FBXW12: variants seen among roughly 807,000 people sequenced by gnomAD.
FBXW12 encodes the protein F-box and WD repeat domain containing 12.
In FBXW12, 43 loss-of-function variants were observed where a neutral mutation model predicts 55.3. The ratio of observed to expected loss-of-function variants is 0.78; its 90% CI spans 0.61 to 1.00. FBXW12 has a LOEUF of 1.00. Among genes scored for constraint, FBXW12 ranks in the 50% least tolerant of loss-of-function variants. FBXW12 has a pLI of 0.00. For missense variants in FBXW12, 524 were observed against 560.5 expected (o/e 0.93, Z 0.66); for synonymous variants, 184 against 203.8 (o/e 0.90, Z 0.83).
chr3:48,384,039 C>T (rs1225983346), intron 10 of FBXW12, among the ~76,000 whole-genome samples: 1 of 152,060 alleles, frequency 6.6e-6, no homozygotes, highest in Non-Finnish European at 1.5e-5. Flanking sequence ...TATTCTGGTT[C>T]CCTTGTTTTC....
intron 4 of FBXW12, among the ~76,000 whole-genome samples, chr3:48,374,717 C>T (rs935743947): frequency 1.3e-5 from 2 of 150,918 alleles, no homozygotes; most frequent in South Asian, 2.1e-4. Flanking sequence ...CCTCCCACCT[C>T]GGCCTCACAG....
intron 10 of FBXW12, among the ~76,000 whole-genome samples, chr3:48,386,421 A>C (rs1351147013): frequency 2.6e-5 from 4 of 152,208 alleles, no homozygotes; most frequent in Non-Finnish European, 5.9e-5. Context: ...GAAATCAGAT[A>C]ATATGCCACC....
chr3:48,393,337 A>G (rs913754164), intron 10 of FBXW12, among the ~76,000 whole-genome samples: 1 of 152,080 alleles, frequency 6.6e-6, no homozygotes, highest in Non-Finnish European at 1.5e-5. Context: ...CGGGGGAGAT[A>G]GTCGACAGGA....
At position 48,381,010 on chromosome 3, in the gene FBXW12, A is replaced by G. The variant is rs1023900406; in HGVS notation, c.985+98A>G. ...ATGGGTCAGCCTGTATAAAGTGAGC[A>G]GGGGATTTCTAGTTTTTTTTTTTTT... On this transcript the variant is annotated intron_variant, in intron 8 of 10. Transcript: ENST00000296438. 31 of 871,678 alleles carry G rather than the reference A, an allele frequency of 3.6e-5. No homozygotes were observed. The East Asian group carries it at 8.1e-4, about 23-fold the overall frequency. The allele number at this position is 871,678 out of a possible 1,614,324, so 54.0% of individuals were successfully genotyped here.
chr3:48,388,083 T>C (rs1218841740), intron 10 of FBXW12, among the ~76,000 whole-genome samples: 1 of 152,212 alleles, frequency 6.6e-6, no homozygotes, highest in Admixed American at 6.5e-5. Flanking sequence ...GGAGATTTTA[T>C]TGTGGTCTTT....
rs1415499798 is a variant in FBXW12, at chr3:48,379,553, C to A, written c.769C>A (p.Pro257Thr). ...FACGTYSRTL[P>T]QVFLTESLLR... Reference sequence around the variant, plus strand: ...ATGTGGGACATACAGTCGTACCTTGCCACAGGTAGGTGCTGTTCTGTGTAT... The same window carrying A: ...ATGTGGGACATACAGTCGTACCTTGACACAGGTAGGTGCTGTTCTGTGTAT... The change falls in exon 7 of 11, where the codon CCA becomes ACA. Residue 257 changes from proline to threonine, a missense_variant. Physicochemically the swap from Pro to Thr is conservative, Grantham distance 38. Transcript: ENST00000296438. The A allele has an allele frequency of 1.9e-6, 3 of 1,613,600 alleles. No homozygotes were observed.
At position 48,384,351 on chromosome 3, in the gene FBXW12, T is replaced by C. The variant is rs534206481; in HGVS notation, c.1295+2266T>C. 3.3e-5 allele frequency among the ~76,000 whole-genome samples: 5 copies of C among 152,362 alleles called. No individual in the cohort carries two copies. The South Asian group carries it at 1.0e-3, about 32-fold the overall frequency. ...ATTTCCATTTTTCATTACTAGTATA[T>C]AGAAATACGACTGACTTTTGTATAT... On this transcript the variant is annotated intron_variant, in intron 10 of 10. Coordinates refer to ENST00000296438, the MANE Select transcript of FBXW12 (RefSeq NM_207102.2).
chr3:48,373,738 CA>C, intron 4 of FBXW12, 33 bp downstream of exon 4: 1 of 1,580,874 alleles, frequency 6.3e-7, no homozygotes, highest in Non-Finnish European at 8.7e-7. Context: ...GGAACATGAG[CA>C]GCTTGTTTTC....
intron 8 of FBXW12, among the ~76,000 whole-genome samples, chr3:48,381,261 A>C (rs2036767450): frequency 6.6e-6 from 1 of 151,906 alleles, no homozygotes; most frequent in African/African-American, 2.4e-5. Context: ...TGACCTCATG[A>C]TCCGCCTGCC....
Position 48,382,112 on chromosome 3 carries a change from T to A in FBXW12, c.1295+27T>A. 5 of 1,605,230 alleles carry A rather than the reference T, an allele frequency of 3.1e-6. No homozygotes were observed. In the South Asian group the frequency reaches 3.4e-5, roughly 11 times the overall value. ...TAAGCTCTGTTTTGTGATGTAAACA[T>A]CCCCTAAACAACTTTTTTTTTTTGA... is the stretch of plus-strand genomic sequence containing the variant. On this transcript the variant is annotated intron_variant, in intron 10 of 10. Transcript: ENST00000296438.
intron 10 of FBXW12, among the ~76,000 whole-genome samples, chr3:48,389,206 T>C (rs2036886237): frequency 6.6e-6 from 1 of 152,142 alleles, no homozygotes; most frequent in African/African-American, 2.4e-5. Context: ...CATTGAGCTG[T>C]CCATGTTTGC....
Position 48,381,985 on chromosome 3 carries a change from AACTCTGTGCACGTGT to A in FBXW12, c.1198_1212del (p.Ser400_Tyr404del). On this transcript the variant is annotated inframe_deletion, in exon 10 of 11. Coordinates refer to ENST00000296438, the MANE Select transcript of FBXW12 (RefSeq NM_207102.2). ...TTGCTATGTGCTCACCACATCCGAG[AACTCTGTGCACGTGT>A]ACATGTGGGAAGAAGGAGGCCGCCA... 6.2e-7 allele frequency: 1 copy of A among 1,614,128 alleles called. No homozygotes were observed. The highest frequency in any genetic ancestry group is 8.5e-7 in the Non-Finnish European group (1 of 1,180,016).
chr3:48,374,486 C>T (rs2036654219), intron 4 of FBXW12, among the ~76,000 whole-genome samples: 1 of 152,080 alleles, frequency 6.6e-6, no homozygotes, highest in African/African-American at 2.4e-5. Context: ...TACCACCATG[C>T]CCAACTAATT....
rs1553793851 is a variant in FBXW12, at chr3:48,386,942, T to TTC, written c.1295+4858_1295+4859insCT. 6.6e-3 allele frequency among the ~76,000 whole-genome samples: 241 copies of TTC among 36,440 alleles called. 3 individuals carry two copies. The East Asian group carries it at 0.2, about 30-fold the overall frequency. The allele number at this position is 36,440 out of a possible 152,430, so 23.9% of individuals were successfully genotyped here. ...TTTTGTAGTTTTCTTCTTCTTCTTC[T>TTC]TTTTTTTTTTTTTAGGCGAAGTCTC... On this transcript the variant is annotated intron_variant, in intron 10 of 10. Coordinates refer to ENST00000296438, the MANE Select transcript of FBXW12 (RefSeq NM_207102.2).
At chr3:48,393,147 C>T (rs2036955744) in intron 10 of FBXW12, among the ~76,000 whole-genome samples, 1 of 152,080 alleles carries the variant, frequency 6.6e-6, no homozygotes, top group Admixed American at 6.5e-5. Flanking sequence ...AGGCATGCAC[C>T]ACTATGCTCA....
At chr3:48,372,616 C>G in intron 1 of FBXW12, 68 bp from the exon 2 acceptor site, 3 of 1,541,380 alleles carry the variant, frequency 1.9e-6, no homozygotes, top group Non-Finnish European at 1.8e-6. Flanking sequence ...GAGGTCAGCC[C>G]GGGAGTCTGC....
At chr3:48,378,090 T>A (rs1358603898) in intron 5 of FBXW12, among the ~76,000 whole-genome samples, 1 of 152,170 alleles carries the variant, frequency 6.6e-6, no homozygotes, top group East Asian at 1.9e-4. Flanking sequence ...AGTCTGATCA[T>A]TCTTTGCGCC....
intron 2 of FBXW12, 29 bp downstream of exon 2, chr3:48,372,886 C>G (rs779200743): frequency 4.4e-6 from 7 of 1,599,298 alleles, no homozygotes; most frequent in Non-Finnish European, 6.0e-6. Flanking sequence ...CCACTGCCCC[C>G]CAAGCCCGCT....
In FBXW12 at chr3:48,392,986, C is replaced by CTT. The variant is rs782102353; in HGVS notation, c.1296-1549_1296-1548dup. On this transcript the variant is annotated intron_variant, in intron 10 of 10. Transcript: ENST00000296438. ...CTTTGTGGGCAGAGGAAGGGGTACC[C>CTT]TTTTTTTTTTTTTTTTTTTTTTTTT... Among the ~76,000 whole-genome samples, 186 of 125,130 alleles carry CTT rather than the reference C, an allele frequency of 1.5e-3. 2 individuals are homozygous for CTT. Among genetic ancestry groups the CTT allele is most frequent in the African/African-American group, 3.6e-3 (119 of 33,230 alleles). The allele number at this position is 125,130 out of a possible 152,430, so 82.1% of individuals were successfully genotyped here. A position where few individuals can be genotyped will look rare whatever the true frequency, so the allele number is the denominator to read the frequency against.
Sources: gnomAD v4.1 joint callset for allele counts (sites outside exome capture counted in the v4.1 genomes callset) on GRCh38, gnomAD v4.1.1 for gene constraint, MANE v1.5 for transcripts, NCBI Gene and HGNC (gene_info 2026-07-23, HGNC 2026-07-21) for gene names.